Variants in CEP250 observed in about 807,000 individuals in gnomAD.
The protein encoded by CEP250 is centrosomal protein 250.
A neutral mutation model predicts 315.7 loss-of-function variants in CEP250; 242 were observed. The ratio of observed to expected loss-of-function variants is 0.77; its 90% confidence interval spans 0.69 to 0.85. The LOEUF is 0.85. Ranked by LOEUF, CEP250 falls within the 40% of genes least tolerant of loss-of-function variation. The pLI is 0.00. For missense variants in CEP250, 2,515 were observed against 2,886.4 expected (o/e 0.87, Z 2.95); for synonymous variants, 1,088 against 1,175.0 (o/e 0.93, Z 1.51).
At chr20:35,510,126 G>A (rs1209444836) in intron 34 of CEP250, 72 bp downstream of exon 34, 12 of 1,415,238 alleles carry the variant, frequency 8.5e-6, no homozygotes, top group African/African-American at 1.4e-5. Flanking sequence ...CCAGCAGGGA[G>A]AGGGGAAGTT....
intron 27 of CEP250, 127 bp from the exon 28 acceptor site, chr20:35,499,922 G>C (rs563548681): frequency 1.7e-6 from 2 of 1,181,298 alleles, no homozygotes; most frequent in Non-Finnish European, 2.4e-6. Flanking sequence ...GAAGTAACCC[G>C]GCAATCTGGG....
intron 10 of CEP250, chr20:35,470,256 T>C (rs2062992174): frequency 2.1e-6 from 1 of 481,932 alleles, no homozygotes; most frequent in Non-Finnish European, 3.7e-6. Flanking sequence ...AATTGGCACA[T>C]ACATTCAGAG....
chr20:35,482,239 G>C (rs1486916149), intron 20 of CEP250, among the ~76,000 whole-genome samples: 1 of 151,634 alleles, frequency 6.6e-6, no homozygotes, highest in Non-Finnish European at 1.5e-5. Context: ...TTTTTTGTTT[G>C]TTTGTTTTTT....
At position 35,504,574 on chromosome 20, in the gene CEP250, G is replaced by A; in HGVS notation, c.6205G>A (p.Val2069Ile). ...GCTGGAGAAGTCTCTGGCCCAGAGG[G>A]TCCAAGAGAATATGATCCAAGAGAA... ...QLLEKSLAQR[V>I]QENMIQEKQN... The change falls in exon 30 of 35, where the codon GTC (valine) becomes ATC (isoleucine). Residue 2069 changes from valine to isoleucine, a missense_variant. Transcript: ENST00000397527. 1.2e-6 allele frequency: 2 copies of A among 1,614,190 alleles called. No homozygotes were observed. The highest frequency in any genetic ancestry group is 1.7e-6 in the Non-Finnish European group (2 of 1,180,018).
intron 8 of CEP250, 70 bp from the exon 9 acceptor site, chr20:35,467,234 A>T: frequency 3.9e-6 from 6 of 1,544,464 alleles, no homozygotes; most frequent in Non-Finnish European, 4.4e-6. Context: ...CTCAGGCTTC[A>T]CTGGGCCTGA....
Position 35,518,213 on chromosome 20 carries a change from C to T in CEP250, c.*6587C>T, listed in dbSNP as rs971308989. 2.0e-5 allele frequency: 3 copies of T among 151,072 alleles called. No individual in the cohort carries two copies. The highest frequency in any genetic ancestry group is 2.9e-5 in the Non-Finnish European group (2 of 67,882). 9.4% of individuals were successfully genotyped at this position (151,072 alleles called of 1,614,324 possible). ...GTAACTTGTCTATGTGGTGCCATAA[C>T]GGGTCCAGTATCTGGACACGAGGCC... On this transcript the variant is annotated 3_prime_UTR_variant, in exon 35 of 35. Transcript: ENST00000397527.
chr20:35,462,662 C>A, intron 4 of CEP250, 109 bp downstream of exon 4: 1 of 884,132 alleles, frequency 1.1e-6, no homozygotes, highest in Non-Finnish European at 1.7e-6. Context: ...GAGTGGCCTA[C>A]ATCTAGCATG....
chr20:35,506,996 C>T (rs2064203869), intron 30 of CEP250, among the ~76,000 whole-genome samples: 1 of 152,118 alleles, frequency 6.6e-6, no homozygotes, highest in Non-Finnish European at 1.5e-5. Context: ...GTCACTTCAC[C>T]CACTGCCACC....
intron 20 of CEP250, among the ~76,000 whole-genome samples, chr20:35,488,622 CCTGA>C (rs1314230881): frequency 1.3e-5 from 2 of 152,018 alleles, no homozygotes; most frequent in Non-Finnish European, 2.9e-5. Context: ...AACCACCACA[CCTGA>C]CTAATTTTTG....
Position 35,463,957 on chromosome 20 carries a change from G to C in CEP250, c.243+326G>C, listed in dbSNP as rs11907103. 5.3e-3 allele frequency among the ~76,000 whole-genome samples: 804 copies of C among 152,310 alleles called. 1 individual carries two copies. The highest frequency in any genetic ancestry group is 0.019 in the African/African-American group (776 of 41,564). ...GCCTTTGCGAGCCTACAGCATGTCT[G>C]CAGCAAAGGGATGTCTGTGCTATTA... On this transcript the variant is annotated intron_variant, in intron 5 of 34. Transcript: ENST00000397527.
chr20:35,478,119 AC>A lies in CEP250; in HGVS notation c.2094+19del. Reference sequence around the variant, plus strand: ...TAAGTGAGGTGAGAAGCCAAAATGGACACCATCATGTCTAGGTGTAATATAT... The same window carrying A: ...TAAGTGAGGTGAGAAGCCAAAATGGAACCATCATGTCTAGGTGTAATATAT... On this transcript the variant is annotated intron_variant, in intron 17 of 34. Transcript: ENST00000397527. 2 of 1,510,986 alleles carry A rather than the reference AC, an allele frequency of 1.3e-6. No individual in the cohort carries two copies. The highest frequency in any genetic ancestry group is 3.4e-5 in the Admixed American group (2 of 59,102). The allele number at this position is 1,510,986 out of a possible 1,614,324, so 93.6% of individuals were successfully genotyped here. A position where few individuals can be genotyped will look rare whatever the true frequency, so the allele number is the denominator to read the frequency against.
chr20:35,478,342 G>A (rs537168029), intron 17 of CEP250, among the ~76,000 whole-genome samples: 9 of 152,274 alleles, frequency 5.9e-5, no homozygotes, highest in Non-Finnish European at 7.4e-5. Flanking sequence ...CGAGGCGGGC[G>A]GATCACGAGG....
In CEP250 at chr20:35,503,393, C is replaced by A; in HGVS notation, c.5024C>A (p.Thr1675Asn). ...ATTCAGGTTCTCGAGGATCAGAGGA[C>A]CCGGCAGACCAAGATCCTGGAGGAG... is the stretch of plus-strand genomic sequence containing the variant. ...ERIQVLEDQR[T>N]RQTKILEEDL... is the part of the protein sequence containing the mutation. The change falls in exon 30 of 35, where the codon ACC (threonine) becomes AAC (asparagine). Residue 1675 changes from threonine (T) to asparagine (N), a missense_variant. Transcript: ENST00000397527. This position sits in a 1 kb window ranked among gnomAD's most constrained non-coding sequence, Gnocchi z 4.2. 6.2e-7 allele frequency: 1 copy of A among 1,614,110 alleles called. No homozygotes were observed. The highest frequency in any genetic ancestry group is 2.2e-5 in the East Asian group (1 of 44,890).
In CEP250 at chr20:35,504,090, GC is replaced by G; in HGVS notation, c.5722del (p.Gln1908SerfsTer83). On this transcript the variant is annotated frameshift_variant, in exon 30 of 35. Transcript: ENST00000397527. LOFTEE classifies it high-confidence loss of function. ...EQEKALLALQ[Q>X]QCAEQAQEHE... ...AGGAGAAAGCTCTGTTGGCCCTCCA[GC>G]AGCAGTGTGCTGAGCAGGCACAGGA... is the stretch of plus-strand genomic sequence containing the variant. The G allele has an allele frequency of 6.2e-7, 1 of 1,609,682 alleles. No individual in the cohort carries two copies. The highest frequency in any genetic ancestry group is 8.5e-7 in the Non-Finnish European group (1 of 1,177,308).
chr20:35,465,881 G>A, intron 6 of CEP250, 56 bp downstream of exon 6: 1 of 1,545,446 alleles, frequency 6.5e-7, no homozygotes, highest in Middle Eastern at 2.0e-4. Flanking sequence ...GGAGAAGGCT[G>A]ATGGGAAACT....
rs149222052 is a variant in CEP250 at position 35,502,461 on chromosome 20, C to T, written c.4092C>T (p.Val1364=). 27 of 1,614,126 alleles carry T rather than the reference C, an allele frequency of 1.7e-5. No homozygotes were observed. Among genetic ancestry groups the T allele is most frequent in the South Asian group, 7.7e-5 (7 of 91,068 alleles). ...AGGTGGAACACCTGCAAGCAGCTGT[C>T]GTAGAAGCCAGGGCTCAGGCAAGTG... The part of the protein sequence containing the change: ...TAQVEHLQAA[V]VEARAQASAA... Residue 1364 remains valine (V), a synonymous_variant, in exon 30 of 35, where the codon GTC becomes GTT. Coordinates refer to ENST00000397527, the MANE Select transcript of CEP250 (RefSeq NM_007186.6).
chr20:35,499,927 T>C, intron 27 of CEP250, 122 bp from the exon 28 acceptor site: 9 of 1,246,340 alleles, frequency 7.2e-6, no homozygotes, highest in Non-Finnish European at 1.0e-5. Context: ...AACCCGGCAA[T>C]CTGGGAGTAG....
Position 35,475,572 on chromosome 20 carries a change from G to A in CEP250, c.1642G>A (p.Ala548Thr). ...CAGTGAACTGATCACTCTTCGGGAA[G>A]CCCTGGAGTCAAGTCACCTGGAAGG... ...SLSELITLRE[A>T]LESSHLEGEL... is the part of the protein sequence containing the mutation. The change falls in exon 15 of 35, where the codon GCC becomes ACC. Residue 548 changes from alanine to threonine, a missense_variant. Physicochemically the swap from Ala to Thr is moderately conservative, Grantham distance 58. Coordinates refer to ENST00000397527, the MANE Select transcript of CEP250 (RefSeq NM_007186.6). 6.2e-7 allele frequency: 1 copy of A among 1,614,162 alleles called. No individual in the cohort carries two copies. The highest frequency in any genetic ancestry group is 8.5e-7 in the Non-Finnish European group (1 of 1,180,018).
At chr20:35,506,712 C>T (rs536723676) in intron 30 of CEP250, among the ~76,000 whole-genome samples, 2 of 152,298 alleles carry the variant, frequency 1.3e-5, no homozygotes, top group South Asian at 4.2e-4. Flanking sequence ...GTTTGAAATA[C>T]AGTAGTGCGG....
Sources: allele counts gnomAD v4.1 joint callset (sites outside exome capture counted in the v4.1 genomes callset), GRCh38; gene constraint gnomAD v4.1.1; non-coding constraint Gnocchi (gnomAD v3.1); transcripts MANE v1.5; gene names NCBI Gene and HGNC (gene_info 2026-07-23, HGNC 2026-07-21).